The following TRPM4 variants were observed in gnomAD, a reference collection of about 807,000 sequenced individuals.
TRPM4 encodes calcium-activated non-selective cation channel 1.
TRPM4 carries 124 observed loss-of-function variants against 135.6 expected under a neutral mutation model. The observed-to-expected ratio is 0.91, with a 90% CI of 0.79 to 1.06. The LOEUF is 1.06. Among genes scored for constraint, TRPM4 ranks in the 50% least tolerant of loss-of-function variants. TRPM4 has a pLI of 0.00. For synonymous variants in TRPM4, 745 were observed against 705.6 expected (o/e 1.06, Z -0.88); for missense variants, 1,658 against 1,671.4 (o/e 0.99, Z 0.14).
chr19:49,177,482 T>C (rs112369378), intron 9 of TRPM4, among the ~76,000 whole-genome samples: 11,682 of 151,716 alleles, frequency 0.077, 1,002 homozygotes, highest in African/African-American at 0.21. Flanking sequence ...CACCTGCCAC[T>C]ATGCCTGGCT....
chr19:49,164,782 G>A (rs1034690685), intron 2 of TRPM4, among the ~76,000 whole-genome samples: 1 of 151,652 alleles, frequency 6.6e-6, no homozygotes, highest in Non-Finnish European at 1.5e-5. Flanking sequence ...CCAGGTTGGA[G>A]TGCAGTGGCG....
At chr19:49,196,259 C>T (rs1035731246) in intron 16 of TRPM4, among the ~76,000 whole-genome samples, 181 bp from the exon 17 acceptor site, 2 of 152,190 alleles carry the variant, frequency 1.3e-5, no homozygotes, top group South Asian at 2.1e-4. Context: ...ACCTCTTGAC[C>T]GGAGATTTCA....
intron 9 of TRPM4, among the ~76,000 whole-genome samples, chr19:49,180,429 T>C (rs1340963740): frequency 2.6e-4 from 1 of 3,796 alleles, no homozygotes; most frequent in Non-Finnish European, 6.0e-4. Context: ...CATCATCTGC[T>C]GTGTGTGTGT....
rs985992873 is a variant in TRPM4 at position 49,196,608 on chromosome 19, C to T, written c.2379C>T (p.Phe793=). Residue 793 remains phenylalanine, a synonymous_variant, in exon 17 of 25, where the codon TTC becomes TTT. Coordinates refer to ENST00000252826, the MANE Select transcript of TRPM4 (RefSeq NM_017636.4). ...GCAACGTGGTCAGCTACCTGCTGTT[C>T]CTGCTGCTTTTCTCGCGGGTGCTGC... ...FMGNVVSYLL[F]LLLFSRVLLV... is the part of the protein sequence containing the mutation. 6.4e-7 allele frequency: 1 copy of T among 1,556,070 alleles called. No homozygotes were observed. The highest frequency in any genetic ancestry group is 2.4e-5 in the East Asian group (1 of 41,988).
chr19:49,196,496 C>A lies in TRPM4; in HGVS notation c.2267C>A (p.Pro756Gln), dbSNP rs1177884755. ...PLGVPRQSGRPGCCGGRCGGR... is the reference protein window; with the variant it reads ...PLGVPRQSGRQGCCGGRCGGR... ...GGGGTCCCGCGCCAGTCGGGCCGTC[C>A]GGGTTGCTGCGGGGGCCGCTGCGGG... The change falls in exon 17 of 25, where the codon CCG (proline) becomes CAG (glutamine). Residue 756 changes from proline to glutamine, a missense_variant. By Grantham distance (76) the Pro-to-Gln change is moderately conservative. This residue lies in a region of TRPM4 where 1,412 missense variants were observed against 1,408.7 expected (regional missense o/e 1.00). Coordinates refer to ENST00000252826, the MANE Select transcript of TRPM4 (RefSeq NM_017636.4). 3.9e-6 allele frequency: 6 copies of A among 1,555,106 alleles called. No homozygotes were observed. The highest frequency in any genetic ancestry group is 3.5e-5 in the South Asian group (3 of 84,846).
intron 10 of TRPM4, 53 bp downstream of exon 10, chr19:49,181,514 C>A: frequency 8.4e-7 from 1 of 1,185,640 alleles, no homozygotes; most frequent in Non-Finnish European, 1.2e-6. Context: ...ACTGTGCTGT[C>A]CTCCCTCTCT....
intron 9 of TRPM4, among the ~76,000 whole-genome samples, chr19:49,174,373 G>A (rs1324525842): frequency 6.6e-6 from 1 of 151,728 alleles, no homozygotes; most frequent in Non-Finnish European, 1.5e-5. Context: ...GGCTGGCCTC[G>A]AACTCCTGAC....
intron 9 of TRPM4, among the ~76,000 whole-genome samples, chr19:49,176,254 G>A (rs1000418117): frequency 2.6e-5 from 4 of 152,074 alleles, no homozygotes; most frequent in African/African-American, 9.7e-5. Flanking sequence ...TTTTGAGACA[G>A]TCTCACTCTG....
intron 9 of TRPM4, among the ~76,000 whole-genome samples, chr19:49,176,344 C>T (rs549308061): frequency 6.6e-6 from 1 of 152,262 alleles, no homozygotes; most frequent in Admixed American, 6.5e-5. Context: ...TCTCTCGCAT[C>T]AGCCTCTGAG....
At position 49,202,213 on chromosome 19, in the gene TRPM4, C is replaced by T. The variant is rs1175811; in HGVS notation, c.3131+72C>T. 1.2e-3 allele frequency: 1,776 copies of T among 1,532,636 alleles called. 20 individuals carry two copies. The African/African-American group carries it at 0.021, about 18-fold the overall frequency. 94.9% of individuals were successfully genotyped at this position (1,532,636 alleles called of 1,614,324 possible). A position where few individuals can be genotyped will look rare whatever the true frequency, so the allele number is the denominator to read the frequency against. The stretch of plus-strand genomic sequence containing the variant: ...TGGCCCTCTCATGACTCTTGAACCC[C>T]GTCTAATGAATTCTGTTTTTAGTCC... On this transcript the variant is annotated intron_variant, in intron 20 of 24. Coordinates refer to ENST00000252826, the MANE Select transcript of TRPM4 (RefSeq NM_017636.4).
At chr19:49,196,402 G>A (rs1968634830) in intron 16 of TRPM4, 38 bp from the exon 17 acceptor site, 1 of 1,501,850 alleles carries the variant, frequency 6.7e-7, no homozygotes, top group Non-Finnish European at 8.9e-7. Context: ...TCAGAGGTCA[G>A]AGTGAGGCCT....
intron 3 of TRPM4, 89 bp downstream of exon 3, chr19:49,166,304 C>A: frequency 7.3e-7 from 1 of 1,360,784 alleles, no homozygotes; most frequent in African/African-American, 1.4e-5. Context: ...CGCCCTGAAC[C>A]CTGGCCCCTC....
At chr19:49,197,648 G>T (rs759540697) in intron 17 of TRPM4, among the ~76,000 whole-genome samples, 35 of 147,220 alleles carry the variant, frequency 2.4e-4, no homozygotes, top group Non-Finnish European at 4.3e-4. Context: ...CCTGGTGACT[G>T]GTTTTTTGTT....
Position 49,196,552 on chromosome 19 carries a change from T to C in TRPM4, c.2323T>C (p.Phe775Leu). ...GRRCLRRWFH[F>L]WGAPVTIFMG... Reference sequence around the variant, plus strand: ...CCGGTGCCTACGCCGCTGGTTCCACTTCTGGGGCGCGCCGGTGACCATCTT... The same window carrying C: ...CCGGTGCCTACGCCGCTGGTTCCACCTCTGGGGCGCGCCGGTGACCATCTT... Residue 775 changes from phenylalanine to leucine, a missense_variant, in exon 17 of 25, where the codon TTC (phenylalanine) becomes CTC (leucine). Around this residue, in one of 3 missense-constraint regions of TRPM4, gnomAD observed 1,412 missense variants for 1,408.7 expected, o/e 1.00. Coordinates refer to ENST00000252826, the MANE Select transcript of TRPM4 (RefSeq NM_017636.4). 1 of 1,555,370 alleles carries C rather than the reference T, an allele frequency of 6.4e-7. No homozygotes were observed. The highest frequency in any genetic ancestry group is 8.7e-7 in the Non-Finnish European group (1 of 1,153,346).
At chr19:49,208,765 C>T (rs550076931) in intron 20 of TRPM4, among the ~76,000 whole-genome samples, 1 of 151,860 alleles carries the variant, frequency 6.6e-6, no homozygotes, top group Non-Finnish European at 1.5e-5. Flanking sequence ...GGTGGCTTGC[C>T]GCCCACACAT....
chr19:49,163,260 A>G (rs947999785), intron 2 of TRPM4, among the ~76,000 whole-genome samples: 22 of 150,948 alleles, frequency 1.5e-4, no homozygotes, highest in African/African-American at 5.1e-4. Flanking sequence ...CAGTGGCACA[A>G]TCTCTGCTCA....
At chr19:49,201,382 C>G (rs546954689) in intron 19 of TRPM4, among the ~76,000 whole-genome samples, 32 of 152,310 alleles carry the variant, frequency 2.1e-4, no homozygotes, top group African/African-American at 7.2e-4. Context: ...GGAAGAGGAA[C>G]AGGCTATGAT....
At chr19:49,190,444 C>G in intron 15 of TRPM4, 124 bp downstream of exon 15, 1 of 931,568 alleles carries the variant, frequency 1.1e-6, no homozygotes, top group South Asian at 1.5e-5. Context: ...GAATGGGACT[C>G]TCTGTCCCTC....
In TRPM4 at chr19:49,200,799, C is replaced by G. The variant is rs752210184; in HGVS notation, c.2953+14C>G. 5 of 1,613,334 alleles carry G rather than the reference C, an allele frequency of 3.1e-6. No homozygotes were observed. Among genetic ancestry groups the G allele is most frequent in the Non-Finnish European group, 4.2e-6 (5 of 1,179,906 alleles). ...AGGACATGGACGGTAGGGGGGATGA[C>G]GGCCTGACAGCCTTCCTCTGAGTCT... On this transcript the variant is annotated intron_variant, in intron 19 of 24. Transcript: ENST00000252826.
Sources: gnomAD v4.1 joint callset for allele counts (sites outside exome capture counted in the v4.1 genomes callset) on GRCh38, gnomAD v4.1.1 for gene constraint, gnomAD v4.1.1 regional missense constraint, MANE v1.5 for transcripts, NCBI Gene and HGNC (gene_info 2026-07-23, HGNC 2026-07-21) for gene names.